Variants in D2HGDH observed in about 807,000 individuals in gnomAD.
The protein encoded by D2HGDH is D-2-hydroxyglutarate dehydrogenase, also known as D-2-hydroxyglutarate dehydrogenase, mitochondrial.
Under a neutral mutation model 46.9 loss-of-function variants are expected in D2HGDH, and 31 were observed. That is an observed-to-expected ratio of 0.66 (90% CI 0.50 to 0.89). The LOEUF is 0.89. Among genes scored for constraint, D2HGDH ranks in the 40% least tolerant of loss-of-function variants. The pLI is 0.00. For synonymous variants in D2HGDH, 364 were observed against 332.6 expected (o/e 1.09, Z -1.03); for missense variants, 698 against 720.8 (o/e 0.97, Z 0.36).
In D2HGDH at chr2:241,767,976, CTCCTGCTGCTGCCAAGGCCCACTGGGGG is replaced by C; in HGVS notation, c.*10_*37del. 2 of 1,582,298 alleles carry C rather than the reference CTCCTGCTGCTGCCAAGGCCCACTGGGGG, an allele frequency of 1.3e-6. No homozygotes were observed. The highest frequency in any genetic ancestry group is 3.9e-4 in the Middle Eastern group (2 of 5,100). The stretch of plus-strand genomic sequence containing the variant: ...GCTGCCCAGCCAGGCCTGACGGCCA[CTCCTGCTGCTGCCAAGGCCCACTGGGGG>C]TCGGCGGGTGGCTCTCGGGCGGGGG... On this transcript the variant is annotated 3_prime_UTR_variant, in exon 10 of 10. Coordinates refer to ENST00000321264, the MANE Select transcript of D2HGDH (RefSeq NM_152783.5).
chr2:241,757,691 T>C (rs62192027), intron 9 of D2HGDH, among the ~76,000 whole-genome samples: 17,774 of 152,084 alleles, frequency 0.12, 1,143 homozygotes, highest in South Asian at 0.21. Flanking sequence ...GGCGCAGTGG[T>C]TCATGCCTGT....
intron 7 of D2HGDH, among the ~76,000 whole-genome samples, chr2:241,750,721 G>T (rs1697027305): frequency 6.6e-6 from 1 of 152,142 alleles, no homozygotes; most frequent in Non-Finnish European, 1.5e-5. Flanking sequence ...TGTGGCCCAG[G>T]CTGGAGTGCA....
intron 6 of D2HGDH, 157 bp from the exon 7 acceptor site, chr2:241,749,994 C>A (rs1696852312): frequency 1.8e-6 from 2 of 1,088,440 alleles, no homozygotes; most frequent in Non-Finnish European, 2.7e-6. Context: ...GCCAGGCAAA[C>A]CCTGGGCTGT....
In D2HGDH at chr2:241,743,100, T is replaced by C. The variant is rs147658446; in HGVS notation, c.491-522T>C. On this transcript the variant is annotated intron_variant, in intron 4 of 9. Coordinates refer to ENST00000321264, the MANE Select transcript of D2HGDH (RefSeq NM_152783.5). This position sits in a 1 kb window ranked among gnomAD's most constrained non-coding sequence, Gnocchi z 4.8. The stretch of plus-strand genomic sequence containing the variant: ...GGCGTGAGGGGATCCTGACCCAGGG[T>C]GCCAGGGCGTGGCAGGCATGAGGGG... Among the ~76,000 whole-genome samples, 105 of 126,102 alleles carry C rather than the reference T, an allele frequency of 8.3e-4. 8 individuals are homozygous for C. The highest frequency in any genetic ancestry group is 4.1e-3 in the Middle Eastern group (1 of 242). 82.7% of individuals were successfully genotyped at this position (126,102 alleles called of 152,430 possible).
intron 8 of D2HGDH, chr2:241,755,643 T>C: frequency 6.5e-7 from 1 of 1,536,744 alleles, no homozygotes. Context: ...GCATTCGCTG[T>C]CCTGGGTCAG....
rs1575278743 is a variant in D2HGDH at position 241,750,144 on chromosome 2, G to A, written c.854-7G>A. ...TGTGGTGCTTGACATGCTGTGACCC[G>A]TTTCAGGCTGCCCAGGCTTTGCTGA... On this transcript the variant is annotated splice_polypyrimidine_tract_variant and splice_region_variant and intron_variant, in intron 6 of 9. Transcript: ENST00000321264. 4.3e-6 allele frequency: 7 copies of A among 1,613,932 alleles called. No homozygotes were observed. The highest frequency in any genetic ancestry group is 2.2e-5 in the South Asian group (2 of 91,084).
rs562507583 is a variant in D2HGDH at position 241,767,592 on chromosome 2, G to T, written c.1307-118G>T. On this transcript the variant is annotated intron_variant, in intron 9 of 9. Transcript: ENST00000321264. ...CCAGGGCGAGTGGCATGAGGGTGAG[G>T]CTCAGCCGGGGGTCTCGGGGTTGCT... is the stretch of plus-strand genomic sequence containing the variant. 163 of 1,445,774 alleles carry T rather than the reference G, an allele frequency of 1.1e-4. No homozygotes were observed. In the Middle Eastern group the frequency reaches 1.4e-3, roughly 12 times the overall value. The allele number at this position is 1,445,774 out of a possible 1,614,324, so 89.6% of individuals were successfully genotyped here. A position where few individuals can be genotyped will look rare whatever the true frequency, so the allele number is the denominator to read the frequency against.
At chr2:241,741,389 G>A (rs919729996) in intron 3 of D2HGDH, among the ~76,000 whole-genome samples, 3 of 152,214 alleles carry the variant, frequency 2.0e-5, no homozygotes, top group African/African-American at 7.2e-5. Flanking sequence ...CCATGACTGT[G>A]GACAGTGCTT....
At position 241,767,495 on chromosome 2, in the gene D2HGDH, G is replaced by C. The variant is rs531541079; in HGVS notation, c.1307-215G>C. Among the ~76,000 whole-genome samples, 3 of 138,088 alleles carry C rather than the reference G, an allele frequency of 2.2e-5. 1 individual carries two copies. The highest frequency in any genetic ancestry group is 4.6e-5 in the Non-Finnish European group (3 of 64,876). The allele number at this position is 138,088 out of a possible 152,430, so 90.6% of individuals were successfully genotyped here. On this transcript the variant is annotated intron_variant, in intron 9 of 9. Transcript: ENST00000321264. Reference sequence around the variant, plus strand: ...GCCCCGGGCTGAGGGAGTAGGAAGAGGGGGGAGAACTTGGGGAGAGAAGCA... The same window carrying C: ...GCCCCGGGCTGAGGGAGTAGGAAGACGGGGGAGAACTTGGGGAGAGAAGCA...
At chr2:241,749,205 C>A in intron 6 of D2HGDH, 1 of 927,494 alleles carries the variant, frequency 1.1e-6, no homozygotes, top group Non-Finnish European at 1.4e-6. Context: ...CCACCACCAC[C>A]TCCCACACCC....
Position 241,751,243 on chromosome 2 carries a change from T to C in D2HGDH, c.998-3T>C, listed in dbSNP as rs760933277. ...TCACTCTGCCTTCCTTGCTCACTTC[T>C]AGAGAGTCCGTTTTACGTCCTCATC... On this transcript the variant is annotated splice_region_variant and splice_polypyrimidine_tract_variant and intron_variant, in intron 7 of 9. Coordinates refer to ENST00000321264, the MANE Select transcript of D2HGDH (RefSeq NM_152783.5). 52 of 1,613,866 alleles carry C rather than the reference T, an allele frequency of 3.2e-5. No individual in the cohort carries two copies. In the South Asian group the frequency reaches 5.3e-4, roughly 16 times the overall value.
intron 1 of D2HGDH, 126 bp downstream of exon 1, chr2:241,734,821 AC>A (rs903824438): frequency 5.8e-6 from 1 of 173,690 alleles, no homozygotes; most frequent in African/African-American, 2.4e-5. Context: ...GGGGAGGGGG[AC>A]GGCGCTGCAG....
chr2:241,759,462 A>G (rs1390805836), intron 9 of D2HGDH, among the ~76,000 whole-genome samples: 9 of 152,178 alleles, frequency 5.9e-5, no homozygotes, highest in Admixed American at 5.9e-4. Context: ...TTTATTACAC[A>G]GTGATGCTAA....
chr2:241,760,419 G>GA (rs1698672918), intron 9 of D2HGDH, among the ~76,000 whole-genome samples: 1 of 144,594 alleles, frequency 6.9e-6, no homozygotes, highest in African/African-American at 2.6e-5. Flanking sequence ...TCAGTCGAAG[G>GA]CTTTTTGCCA....
intron 9 of D2HGDH, among the ~76,000 whole-genome samples, chr2:241,763,929 A>C (rs1465906700): frequency 1.3e-5 from 2 of 152,162 alleles, no homozygotes; most frequent in African/African-American, 4.8e-5. Context: ...ACATGCCTGC[A>C]GTCCCAGCTA....
intron 6 of D2HGDH, among the ~76,000 whole-genome samples, chr2:241,747,165 C>G (rs148338633): frequency 0.02 from 3,004 of 152,164 alleles, 79 homozygotes; most frequent in African/African-American, 0.068. Flanking sequence ...AAACGATCCT[C>G]CCACTGTGGC....
rs1191249765 is a variant in D2HGDH at position 241,767,742 on chromosome 2, G to A, written c.1339G>A (p.Glu447Lys). ...TAACCTGCACCTCAATGTGACGGCG[G>A]AGGCCTTCAGCCCCTCGCTCCTGGC... ...DGNLHLNVTAEAFSPSLLAAL... is the reference protein window; with the variant it reads ...DGNLHLNVTAKAFSPSLLAAL... Residue 447 changes from glutamate to lysine, a missense_variant, in exon 10 of 10, where the codon GAG (glutamate) becomes AAG (lysine). Coordinates refer to ENST00000321264, the MANE Select transcript of D2HGDH (RefSeq NM_152783.5). The A allele has an allele frequency of 5.6e-6, 9 of 1,612,900 alleles. No homozygotes were observed. Among genetic ancestry groups the A allele is most frequent in the Non-Finnish European group, 6.8e-6 (8 of 1,179,594 alleles).
intron 6 of D2HGDH, chr2:241,749,294 T>C: frequency 1.6e-6 from 2 of 1,287,976 alleles, no homozygotes; most frequent in Non-Finnish European, 2.0e-6. Context: ...TGTCACCCAG[T>C]GCAGGTGTCT....
rs776757133 is a variant in D2HGDH at position 241,743,761 on chromosome 2, C to T, written c.630C>T (p.Gly210=). The part of the protein sequence containing the change: ...IGGNVATNAG[G]LRFLRYGSLH... ...GAAACGTGGCAACCAACGCTGGAGGCCTGCGGTTTCTTCGATATGGCTCAC... is the reference window on the plus strand; with the variant it reads ...GAAACGTGGCAACCAACGCTGGAGGTCTGCGGTTTCTTCGATATGGCTCAC... Residue 210 remains glycine (G), a synonymous_variant, in exon 5 of 10, where the codon GGC becomes GGT. Transcript: ENST00000321264. This position sits in a 1 kb window ranked among gnomAD's most constrained non-coding sequence, Gnocchi z 4.8. 1.2e-6 allele frequency: 2 copies of T among 1,611,530 alleles called. No homozygotes were observed. Among genetic ancestry groups the T allele is most frequent in the South Asian group, 1.1e-5 (1 of 90,546 alleles).
Sources: gnomAD v4.1 joint callset for allele counts (sites outside exome capture counted in the v4.1 genomes callset) on GRCh38, gnomAD v4.1.1 for gene constraint, Gnocchi (gnomAD v3.1) non-coding constraint, MANE v1.5 for transcripts, NCBI Gene and HGNC (gene_info 2026-07-23, HGNC 2026-07-21) for gene names.